The following CDH4 variants were observed in gnomAD, a reference collection of about 807,000 sequenced individuals.
The protein encoded by CDH4 is cadherin-4.
Under a neutral mutation model 86.0 loss-of-function variants are expected in CDH4, and 33 were observed. The observed-to-expected ratio is 0.38, with a 90% CI of 0.29 to 0.51. The LOEUF is 0.51. Among genes scored for constraint, CDH4 ranks in the 20% least tolerant of loss-of-function variants. The pLI, the probability that CDH4 is intolerant of heterozygous loss-of-function variation, is 0.86. For missense variants in CDH4, 1,114 were observed against 1,307.4 expected (o/e 0.85, Z 2.28); for synonymous variants, 555 against 549.4 (o/e 1.01, Z -0.14).
intron 2 of CDH4, among the ~76,000 whole-genome samples, chr20:61,471,325 G>A (rs1426184471): frequency 2.6e-5 from 4 of 151,944 alleles, no homozygotes; most frequent in African/African-American, 7.2e-5. Context: ...GTTGCTCATA[G>A]TAGCCACTAA....
At chr20:61,745,276 C>T (rs2088400216) in intron 3 of CDH4, among the ~76,000 whole-genome samples, 1 of 152,186 alleles carries the variant, frequency 6.6e-6, no homozygotes, top group African/African-American at 2.4e-5. Context: ...TGCAAGTTTC[C>T]CCAAACTGTC....
intron 10 of CDH4, 96 bp downstream of exon 10, chr20:61,923,800 TC>T (rs1296353186): frequency 6.8e-7 from 1 of 1,467,490 alleles, no homozygotes; most frequent in South Asian, 1.3e-5. Context: ...AGCCCAGAAT[TC>T]CCCCAGATGG....
At chr20:61,838,790 C>G (rs1981993294) in intron 4 of CDH4, among the ~76,000 whole-genome samples, 2 of 143,502 alleles carry the variant, frequency 1.4e-5, no homozygotes, top group African/African-American at 5.1e-5. Flanking sequence ...CACCACTGCA[C>G]TCCAGCCTGG....
At chr20:61,840,004 GACTC>G (rs1373533812) in intron 4 of CDH4, among the ~76,000 whole-genome samples, 2 of 152,188 alleles carry the variant, frequency 1.3e-5, no homozygotes, top group Admixed American at 6.5e-5. Context: ...GGACCAAACT[GACTC>G]ACTCTGACCC....
At chr20:61,610,917 G>T (rs1178830163) in intron 2 of CDH4, among the ~76,000 whole-genome samples, 3 of 152,230 alleles carry the variant, frequency 2.0e-5, no homozygotes, top group South Asian at 2.1e-4. Context: ...ACCCAGTAAG[G>T]GTGCTGGAGC....
chr20:61,879,229 G>A lies in CDH4; in HGVS notation c.1050+5329G>A, dbSNP rs551653838. On this transcript the variant is annotated intron_variant, in intron 7 of 15. Coordinates refer to ENST00000614565, the MANE Select transcript of CDH4 (RefSeq NM_001794.5). This position sits in a 1 kb window ranked among gnomAD's most constrained non-coding sequence, Gnocchi z 4.1. ...CCCTGGGCCCAGGCCTGCTGAGCCC[G>A]AGAAGCTGATTTCTGTCTGGCTTGG... 2.0e-5 allele frequency among the ~76,000 whole-genome samples: 3 copies of A among 152,300 alleles called. No individual in the cohort carries two copies. The highest frequency in any genetic ancestry group is 1.3e-4 in the Admixed American group (2 of 15,304).
chr20:61,783,595 C>T (rs1017096232), intron 4 of CDH4, among the ~76,000 whole-genome samples: 3 of 144,742 alleles, frequency 2.1e-5, no homozygotes, highest in East Asian at 2.1e-4. Context: ...GGACAGTTCT[C>T]GAGGCCCTCA....
chr20:61,712,762 C>T (rs534468170), intron 2 of CDH4, among the ~76,000 whole-genome samples: 1 of 152,190 alleles, frequency 6.6e-6, no homozygotes, highest in Non-Finnish European at 1.5e-5. Flanking sequence ...GCCCCCATCA[C>T]GGAAGGCTCC....
chr20:61,645,756 G>A (rs914613366), intron 2 of CDH4, among the ~76,000 whole-genome samples: 1 of 152,142 alleles, frequency 6.6e-6, no homozygotes, highest in African/African-American at 2.4e-5. Context: ...GGGTGCTGTG[G>A]TTATCACCTG....
chr20:61,477,787 T>C (rs1402575784), intron 2 of CDH4, among the ~76,000 whole-genome samples: 1 of 152,156 alleles, frequency 6.6e-6, no homozygotes, highest in Non-Finnish European at 1.5e-5. Context: ...CTCATGTGTC[T>C]TTCCCCGAGG....
intron 2 of CDH4, among the ~76,000 whole-genome samples, chr20:61,279,488 TA>T (rs1434242126): frequency 1.3e-5 from 2 of 151,718 alleles, no homozygotes; most frequent in Non-Finnish European, 2.9e-5. Flanking sequence ...GCTCAGCTCC[TA>T]GGGGTGGGGG....
intron 7 of CDH4, among the ~76,000 whole-genome samples, chr20:61,891,607 T>A (rs1984822525): frequency 6.6e-6 from 1 of 152,192 alleles, no homozygotes; most frequent in African/African-American, 2.4e-5. Context: ...CAGGGCTGCA[T>A]GATGAGGCAC....
intron 2 of CDH4, among the ~76,000 whole-genome samples, chr20:61,358,023 A>T (rs577481446): frequency 3.3e-5 from 5 of 152,196 alleles, no homozygotes; most frequent in African/African-American, 1.2e-4. Context: ...TGACAATTGC[A>T]CTTGGTCTTT....
chr20:61,562,524 G>T (rs1479584094), intron 2 of CDH4, among the ~76,000 whole-genome samples: 1 of 152,190 alleles, frequency 6.6e-6, no homozygotes, highest in Non-Finnish European at 1.5e-5. Context: ...AAACTGGGGG[G>T]ATTGGTCCGA....
chr20:61,931,780 C>A (rs900810284), intron 13 of CDH4, among the ~76,000 whole-genome samples: 2 of 152,144 alleles, frequency 1.3e-5, no homozygotes, highest in African/African-American at 4.8e-5. Flanking sequence ...GGGCTGGACA[C>A]GGACCTCGGA....
In CDH4 at chr20:61,465,026, C is replaced by T. The variant is rs114762056; in HGVS notation, c.169+210089C>T. Among the ~76,000 whole-genome samples, 455 of 152,326 alleles carry T rather than the reference C, an allele frequency of 3.0e-3. 3 individuals carry two copies. The highest frequency in any genetic ancestry group is 0.011 in the African/African-American group (437 of 41,588). On this transcript the variant is annotated intron_variant, in intron 2 of 15. Coordinates refer to ENST00000614565, the MANE Select transcript of CDH4 (RefSeq NM_001794.5). Reference sequence around the variant, plus strand: ...GGCCCTAAAAGTGCACACAGGTCTACAAAAGTGTGTGCAGGTCTTATATGC... The same window carrying T: ...GGCCCTAAAAGTGCACACAGGTCTATAAAAGTGTGTGCAGGTCTTATATGC...
At chr20:61,587,380 A>G (rs1211701679) in intron 2 of CDH4, among the ~76,000 whole-genome samples, 2 of 152,124 alleles carry the variant, frequency 1.3e-5, no homozygotes, top group South Asian at 2.1e-4. Flanking sequence ...GCCTGCCCAC[A>G]CTAAGTGAGG....
chr20:61,911,910 A>G (rs911971624), intron 9 of CDH4, among the ~76,000 whole-genome samples: 1 of 152,226 alleles, frequency 6.6e-6, no homozygotes, highest in Admixed American at 6.5e-5. Context: ...GCAGAGACTT[A>G]ACCACAGAAA....
chr20:61,793,749 G>C (rs1248657547), intron 4 of CDH4, among the ~76,000 whole-genome samples: 1 of 149,378 alleles, frequency 6.7e-6, no homozygotes. Context: ...CTGAGGCAGA[G>C]AATTGCTTGA....
Sources: allele counts gnomAD v4.1 joint callset (sites outside exome capture counted in the v4.1 genomes callset), GRCh38; gene constraint gnomAD v4.1.1; non-coding constraint Gnocchi (gnomAD v3.1); transcripts MANE v1.5; gene names NCBI Gene and HGNC (gene_info 2026-07-23, HGNC 2026-07-21).